Variants in ABTB3 observed in about 807,000 individuals in gnomAD.
ABTB3 encodes the protein ankyrin repeat- and BTB/POZ domain-containing protein 3.
the ABTB3 span, among the ~76,000 whole-genome samples, chr12:107,391,132 C>G: frequency 6.6e-6 from 1 of 152,162 alleles, no homozygotes. Context: ...GCCTAGGTGA[C>G]AGAGCGAGAC....
chr12:107,487,789 T>C, the ABTB3 span, among the ~76,000 whole-genome samples: 3 of 152,068 alleles, frequency 2.0e-5, no homozygotes, highest in African/African-American at 7.3e-5. Flanking sequence ...ACTGATGCGT[T>C]AGAAAGGAAG....
the ABTB3 span, among the ~76,000 whole-genome samples, chr12:107,451,352 G>C: frequency 1.3e-5 from 2 of 152,148 alleles, no homozygotes; most frequent in Non-Finnish European, 2.9e-5. Flanking sequence ...AATGTTGAAG[G>C]CAGTGTTTTC....
the ABTB3 span, among the ~76,000 whole-genome samples, chr12:107,321,739 T>C: frequency 6.6e-6 from 1 of 152,170 alleles, no homozygotes; most frequent in Non-Finnish European, 1.5e-5. Flanking sequence ...AGCTTTGGAC[T>C]GGATTGCTCT....
chr12:107,519,726 A>C, the ABTB3 span, among the ~76,000 whole-genome samples: 4 of 152,236 alleles, frequency 2.6e-5, no homozygotes, highest in Admixed American at 2.6e-4. Flanking sequence ...ATAGCTTTGA[A>C]CAAAGTAAAT....
the ABTB3 span, among the ~76,000 whole-genome samples, chr12:107,654,815 TACACACACACACAC>T: frequency 4.7e-4 from 67 of 141,296 alleles, no homozygotes; most frequent in East Asian, 1.0e-3. Flanking sequence ...CTACATTGTA[TACACACACACACAC>T]ACACACACAC....
the ABTB3 span, among the ~76,000 whole-genome samples, chr12:107,350,071 G>A: frequency 3.3e-5 from 5 of 152,168 alleles, no homozygotes; most frequent in Non-Finnish European, 5.9e-5. Flanking sequence ...GAGTAATCCA[G>A]GAGGCTGAAC....
At chr12:107,377,035 A>G in the ABTB3 span, among the ~76,000 whole-genome samples, 2 of 152,140 alleles carry the variant, frequency 1.3e-5, no homozygotes, top group African/African-American at 4.8e-5. Flanking sequence ...CACTGCTCAG[A>G]TACCCCTTCA....
the ABTB3 span, among the ~76,000 whole-genome samples, chr12:107,484,952 A>G: frequency 2.0e-5 from 3 of 152,150 alleles, no homozygotes; most frequent in Non-Finnish European, 4.4e-5. Context: ...GGGATGTGCT[A>G]TGTCTGCAAT....
At chr12:107,652,299 A>AT in the ABTB3 span, among the ~76,000 whole-genome samples, 5 of 152,232 alleles carry the variant, frequency 3.3e-5, no homozygotes, top group Non-Finnish European at 7.3e-5. Flanking sequence ...CCTCCAGCTG[A>AT]TTCTGATGTG....
the ABTB3 span, chr12:107,610,071 A>C: frequency 2.5e-6 from 3 of 1,191,430 alleles, no homozygotes; most frequent in African/African-American, 4.5e-5. Context: ...ATTGGAGCCT[A>C]GGAACAGGCA....
chr12:107,386,382 G>C, the ABTB3 span, among the ~76,000 whole-genome samples: 1 of 152,204 alleles, frequency 6.6e-6, no homozygotes, highest in Non-Finnish European at 1.5e-5. Context: ...TTGCTGTCTT[G>C]TCTGTAGCTG....
chr12:107,359,954 C>T, the ABTB3 span, among the ~76,000 whole-genome samples: 1 of 152,164 alleles, frequency 6.6e-6, no homozygotes, highest in East Asian at 1.9e-4. Flanking sequence ...TATTTTCCCT[C>T]CCTCTCTTCT....
the ABTB3 span, among the ~76,000 whole-genome samples, chr12:107,644,234 G>A: frequency 2.6e-5 from 4 of 152,316 alleles, no homozygotes; most frequent in African/African-American, 9.6e-5. Context: ...GGAATGTGCT[G>A]AGAGTAAGAA....
the ABTB3 span, among the ~76,000 whole-genome samples, chr12:107,404,334 C>T: frequency 6.6e-6 from 1 of 152,136 alleles, no homozygotes; most frequent in Non-Finnish European, 1.5e-5. Context: ...AAAGAACTTG[C>T]TTCCACAGCA....
the ABTB3 span, among the ~76,000 whole-genome samples, chr12:107,500,798 C>T: frequency 2.0e-5 from 3 of 152,154 alleles, no homozygotes; most frequent in Non-Finnish European, 4.4e-5. Context: ...TTTTGTCACC[C>T]GGAAGACTGC....
the ABTB3 span, among the ~76,000 whole-genome samples, chr12:107,385,753 A>G: frequency 6.6e-6 from 1 of 152,164 alleles, no homozygotes; most frequent in South Asian, 2.1e-4. Flanking sequence ...CACCCCCCCA[A>G]GCCCTGACTC....
At chr12:107,484,986 T>C in the ABTB3 span, among the ~76,000 whole-genome samples, 4 of 152,152 alleles carry the variant, frequency 2.6e-5, no homozygotes, top group African/African-American at 7.2e-5. Flanking sequence ...TAAGTGATGA[T>C]GTCCAGTAGA....
chr12:107,426,377 CCCCGATGGGACACAG>C, the ABTB3 span, among the ~76,000 whole-genome samples: 3 of 152,164 alleles, frequency 2.0e-5, no homozygotes, highest in Non-Finnish European at 2.9e-5. Context: ...CCCTCTGCAT[CCCCGATGGGACACAG>C]CCCAGGAATC....
At chr12:107,619,583 C>G in the ABTB3 span, among the ~76,000 whole-genome samples, 1 of 152,192 alleles carries the variant, frequency 6.6e-6, no homozygotes, top group Non-Finnish European at 1.5e-5. Context: ...CTTCTCCCCC[C>G]TGAGCTTCTT....
Sources: allele counts gnomAD v4.1 joint callset (sites outside exome capture counted in the v4.1 genomes callset), GRCh38; gene constraint gnomAD v4.1.1; transcripts MANE v1.5; gene names NCBI Gene and HGNC (gene_info 2026-07-23, HGNC 2026-07-21).